Variants in BAZ2B observed in about 807,000 individuals in gnomAD.
BAZ2B encodes bromodomain adjacent to zinc finger domain protein 2B.
BAZ2B carries 91 observed loss-of-function variants against 246.0 expected under a neutral mutation model. The ratio of observed to expected loss-of-function variants is 0.37; its 90% confidence interval spans 0.31 to 0.44. The LOEUF (loss-of-function observed/expected upper bound fraction) is 0.44, where lower values mean the gene tolerates loss of function less well. Among genes scored for constraint, BAZ2B ranks in the 20% least tolerant of loss-of-function variants. The probability of loss-of-function intolerance (pLI) is 1.00; values close to 1 mark genes in which losing one functional copy is unlikely to be tolerated. For missense variants in BAZ2B, 2,332 were observed against 2,533.7 expected (o/e 0.92, Z 1.71); for synonymous variants, 855 against 860.0 (o/e 0.99, Z 0.10).
At chr2:159,572,135 T>C (rs1684179472) in intron 1 of BAZ2B, among the ~76,000 whole-genome samples, 1 of 152,190 alleles carries the variant, frequency 6.6e-6, no homozygotes, top group Non-Finnish European at 1.5e-5. Flanking sequence ...GGTAGCACAC[T>C]CTGACTCCAA....
chr2:159,651,372 A>G, the BAZ2B span, among the ~76,000 whole-genome samples: 1 of 152,118 alleles, frequency 6.6e-6, no homozygotes, highest in Non-Finnish European at 1.5e-5. Flanking sequence ...GAGGAAAAGT[A>G]TGTGCTTTAT....
Position 159,400,612 on chromosome 2 carries a change from T to C in BAZ2B, c.2885A>G (p.Gln962Arg), listed in dbSNP as rs1225529483. Residue 962 changes from glutamine (Q) to arginine (R), a missense_variant, in exon 17 of 37, where the codon CAG becomes CGG. By Grantham distance (43) the Gln-to-Arg change is conservative (BLOSUM62 1). This residue lies in a region of BAZ2B where 328 missense variants were observed against 410.4 expected (regional missense o/e 0.80). Transcript: ENST00000392783. Reference protein sequence around the residue: ...QIRMEKELRAQQILEAKKKKK... With the variant: ...QIRMEKELRARQILEAKKKKK... ...TAAGACTTCTACCTCTAGAATTTGC[T>C]GAGCTCGAAGTTCTTTTTCCATTCT... The C allele has an allele frequency of 4.5e-6, 7 of 1,572,082 alleles. No individual in the cohort carries two copies. The highest frequency in any genetic ancestry group is 3.4e-5 in the South Asian group (3 of 87,422).
intron 1 of BAZ2B, among the ~76,000 whole-genome samples, chr2:159,603,627 T>C (rs1259652817): frequency 3.3e-5 from 5 of 151,998 alleles, no homozygotes; most frequent in African/African-American, 7.3e-5. Flanking sequence ...CATCTTCCTA[T>C]ATTTCCTTCC....
chr2:159,573,023 CAAA>C (rs1328180452), intron 1 of BAZ2B, among the ~76,000 whole-genome samples: 1 of 151,880 alleles, frequency 6.6e-6, no homozygotes, highest in Admixed American at 6.6e-5. Context: ...GGCAAAATAT[CAAA>C]AAGAGGACCA....
At chr2:159,615,556 G>T in intron 1 of BAZ2B, 1 of 152,436 alleles carries the variant, frequency 6.6e-6, no homozygotes. Context: ...AGAGGCCCAA[G>T]CCGGGGAGTG....
At chr2:159,479,013 T>C (rs1252321429) in intron 2 of BAZ2B, among the ~76,000 whole-genome samples, 3 of 152,280 alleles carry the variant, frequency 2.0e-5, no homozygotes, top group South Asian at 4.1e-4. Context: ...TAAATTAACA[T>C]GTTATATTCG....
chr2:159,632,957 G>A, the BAZ2B span, among the ~76,000 whole-genome samples: 1 of 152,168 alleles, frequency 6.6e-6, no homozygotes, highest in Non-Finnish European at 1.5e-5. Flanking sequence ...TTGGCTACCA[G>A]TAAGACTACA....
At chr2:159,570,335 C>G (rs956831426) in intron 1 of BAZ2B, among the ~76,000 whole-genome samples, 7 of 152,064 alleles carry the variant, frequency 4.6e-5, no homozygotes, top group Non-Finnish European at 8.8e-5. Flanking sequence ...CAGGCGCACG[C>G]CACCATGCCT....
chr2:159,526,340 C>A (rs57732107), intron 2 of BAZ2B, among the ~76,000 whole-genome samples: 4 of 151,810 alleles, frequency 2.6e-5, no homozygotes, highest in African/African-American at 9.7e-5. Flanking sequence ...GCATGTAGAC[C>A]GTAATACAGT....
At chr2:159,710,876 GAGA>G in the BAZ2B span, 1 of 152,174 alleles carries the variant, frequency 6.6e-6, no homozygotes, top group African/African-American at 2.4e-5. Context: ...GCATAATCTT[GAGA>G]AGATGTCTAA....
intron 27 of BAZ2B, among the ~76,000 whole-genome samples, chr2:159,351,210 G>A (rs1174160589): frequency 6.6e-6 from 1 of 151,984 alleles, no homozygotes; most frequent in Non-Finnish European, 1.5e-5. Context: ...CATAATTAAG[G>A]AAAGAAATTC....
At chr2:159,514,073 C>A (rs2083197016) in intron 2 of BAZ2B, among the ~76,000 whole-genome samples, 2 of 152,208 alleles carry the variant, frequency 1.3e-5, no homozygotes, top group South Asian at 4.1e-4. Flanking sequence ...CCTTCCTCAG[C>A]CCCTGAATCC....
chr2:159,404,132 G>T (rs2065527757), intron 16 of BAZ2B, among the ~76,000 whole-genome samples: 1 of 152,070 alleles, frequency 6.6e-6, no homozygotes, highest in Non-Finnish European at 1.5e-5. Context: ...ATTTTTAAAA[G>T]AATAGTACTT....
intron 16 of BAZ2B, among the ~76,000 whole-genome samples, chr2:159,401,311 G>A (rs2065028437): frequency 6.6e-6 from 1 of 152,172 alleles, no homozygotes; most frequent in Non-Finnish European, 1.5e-5. Context: ...GAAAAATCAT[G>A]TATCAGCAGT....
chr2:159,666,836 C>T, the BAZ2B span, among the ~76,000 whole-genome samples: 1 of 152,004 alleles, frequency 6.6e-6, no homozygotes, highest in Non-Finnish European at 1.5e-5. Context: ...GCCTGGGCAA[C>T]AGAGCGAAGA....
the BAZ2B span, among the ~76,000 whole-genome samples, chr2:159,662,941 G>A: frequency 1.3e-5 from 2 of 151,998 alleles, no homozygotes; most frequent in African/African-American, 2.4e-5. Flanking sequence ...AATTTCATGT[G>A]CTTATAAACC....
At chr2:159,696,129 G>A in the BAZ2B span, among the ~76,000 whole-genome samples, 1 of 152,062 alleles carries the variant, frequency 6.6e-6, no homozygotes, top group Non-Finnish European at 1.5e-5. Context: ...GAACCTCATT[G>A]CCTATTTTTT....
At chr2:159,457,240 T>C (rs964284598) in intron 3 of BAZ2B, among the ~76,000 whole-genome samples, 1 of 152,226 alleles carries the variant, frequency 6.6e-6, no homozygotes, top group African/African-American at 2.4e-5. Flanking sequence ...AACTCATGTT[T>C]TGAGCATAAT....
intron 2 of BAZ2B, among the ~76,000 whole-genome samples, chr2:159,533,227 A>C (rs1403815183): frequency 6.6e-6 from 1 of 152,178 alleles, no homozygotes; most frequent in African/African-American, 2.4e-5. Flanking sequence ...TTGTTGTGGG[A>C]AATGGTGAAA....
Sources: allele counts gnomAD v4.1 joint callset (sites outside exome capture counted in the v4.1 genomes callset), GRCh38; gene constraint gnomAD v4.1.1; regional missense constraint gnomAD v4.1.1; transcripts MANE v1.5; gene names NCBI Gene and HGNC (gene_info 2026-07-23, HGNC 2026-07-21).